The following NCAM2 variants were observed in gnomAD, a reference collection of about 807,000 sequenced individuals.
The protein encoded by NCAM2 is N-CAM-2.
Under a neutral mutation model 98.1 loss-of-function variants are expected in NCAM2, and 30 were observed. That is an observed-to-expected ratio of 0.31 (90% CI 0.23 to 0.41). The LOEUF is 0.41. NCAM2 is among the 10% of genes least tolerant of loss of function. The pLI, the probability that NCAM2 is intolerant of heterozygous loss-of-function variation, is 1.00. For missense variants in NCAM2, 867 were observed against 1,005.8 expected, an observed-to-expected ratio of 0.86 and a Z score of 1.87; for synonymous variants, 368 against 342.4, an observed-to-expected ratio of 1.07 and a Z score of -0.83.
chr21:21,103,166 G>T (rs564826808), intron 1 of NCAM2, among the ~76,000 whole-genome samples: 53 of 152,108 alleles, frequency 3.5e-4, no homozygotes, highest in African/African-American at 1.2e-3. Context: ...TATTGGGGGT[G>T]AAATCTCCCA....
At chr21:21,044,992 A>G (rs1249491049) in intron 1 of NCAM2, among the ~76,000 whole-genome samples, 2 of 152,138 alleles carry the variant, frequency 1.3e-5, no homozygotes, top group Non-Finnish European at 2.9e-5. Flanking sequence ...ATGAAAATAC[A>G]TATATATCTA....
intron 15 of NCAM2, among the ~76,000 whole-genome samples, chr21:21,499,312 G>T (rs950949747): frequency 6.6e-6 from 1 of 152,114 alleles, no homozygotes; most frequent in Non-Finnish European, 1.5e-5. Context: ...CGTGATCTCG[G>T]CTCACTGCAA....
intron 1 of NCAM2, among the ~76,000 whole-genome samples, chr21:21,043,925 T>G (rs2064958765): frequency 6.7e-6 from 1 of 150,082 alleles, no homozygotes; most frequent in East Asian, 2.0e-4. Context: ...AATTTAAAAA[T>G]GTAGATTATG....
At chr21:21,201,326 C>T (rs1051940373) in intron 1 of NCAM2, among the ~76,000 whole-genome samples, 3 of 152,186 alleles carry the variant, frequency 2.0e-5, no homozygotes, top group African/African-American at 7.2e-5. Context: ...AGTTATGCTG[C>T]TCCCACTGCC....
At chr21:21,201,392 G>A (rs567825133) in intron 1 of NCAM2, among the ~76,000 whole-genome samples, 3 of 152,276 alleles carry the variant, frequency 2.0e-5, no homozygotes, top group East Asian at 3.9e-4. Flanking sequence ...ACCAGTAGGC[G>A]AATGCCAGAA....
At chr21:21,377,044 A>C (rs2076050005) in intron 9 of NCAM2, among the ~76,000 whole-genome samples, 1 of 151,768 alleles carries the variant, frequency 6.6e-6, no homozygotes, top group Non-Finnish European at 1.5e-5. Flanking sequence ...TTTTCTGCAA[A>C]TATTGTTGAA....
intron 1 of NCAM2, among the ~76,000 whole-genome samples, chr21:21,266,093 G>A (rs957673734): frequency 1.3e-5 from 2 of 151,970 alleles, no homozygotes; most frequent in South Asian, 2.1e-4. Context: ...ATATTCAAAT[G>A]TTTTTGCTTC....
intron 1 of NCAM2, among the ~76,000 whole-genome samples, chr21:21,120,242 A>G (rs1260280750): frequency 6.6e-6 from 1 of 152,236 alleles, no homozygotes; most frequent in Non-Finnish European, 1.5e-5. Context: ...AATGATTTGC[A>G]AGGATAATGA....
intron 5 of NCAM2, among the ~76,000 whole-genome samples, chr21:21,300,863 A>G (rs2073686534): frequency 6.6e-6 from 1 of 152,000 alleles, no homozygotes; most frequent in South Asian, 2.1e-4. Flanking sequence ...TCCTCAAACT[A>G]TCAATCTAGT....
At position 21,468,766 on chromosome 21, in the gene NCAM2, A is replaced by C. The variant is rs909281844; in HGVS notation, c.1879A>C (p.Ile627Leu). ...DDGGAPILEY[I>L]VKYRSKDKED... ...TGGAGGGGCCCCTATTTTGGAATAC[A>C]TTGTGAAATATAGAAGTGTAAGTAC... is the stretch of plus-strand genomic sequence containing the variant. The change falls in exon 14 of 18, where the codon ATT becomes CTT. Residue 627 changes from isoleucine (I) to leucine (L), a missense_variant. By Grantham distance (5) the Ile-to-Leu change is conservative (BLOSUM62 2). Coordinates refer to ENST00000400546, the MANE Select transcript of NCAM2 (RefSeq NM_004540.5). The C allele has an allele frequency of 1.2e-6, 2 of 1,611,100 alleles. No homozygotes were observed. The highest frequency in any genetic ancestry group is 1.7e-5 in the Admixed American group (1 of 59,704).
intron 12 of NCAM2, among the ~76,000 whole-genome samples, chr21:21,433,781 A>AAAATG (rs2077401484): frequency 6.7e-6 from 1 of 149,258 alleles, no homozygotes; most frequent in African/African-American, 2.5e-5. Flanking sequence ...AAAATAAAAT[A>AAAATG]AAATAAAATA....
Position 21,280,615 on chromosome 21 carries a change from G to A in NCAM2, c.93G>A (p.Glu31=), listed in dbSNP as rs1311845107. The A allele has an allele frequency of 5.0e-6, 8 of 1,601,118 alleles. No homozygotes were observed. In the African/African-American group the frequency reaches 9.4e-5, roughly 19 times the overall value. The part of the protein sequence containing the change: ...LQVTISLSKV[E]LSVGESKFFT... ...TGACAATTTCACTTAGCAAAGTAGA[G>A]CTTAGTGTTGGAGAATCTAAATTCT... The change falls in exon 2 of 18, where the codon GAG becomes GAA. Residue 31 remains glutamate (E), a synonymous_variant. Transcript: ENST00000400546.
At chr21:21,085,480 C>T (rs1285632749) in intron 1 of NCAM2, among the ~76,000 whole-genome samples, 1 of 152,068 alleles carries the variant, frequency 6.6e-6, no homozygotes, top group Non-Finnish European at 1.5e-5. Flanking sequence ...CTGTCTCATG[C>T]TCGTTTTGCT....
intron 1 of NCAM2, among the ~76,000 whole-genome samples, chr21:21,180,193 G>C (rs960568745): frequency 2.6e-5 from 4 of 152,064 alleles, no homozygotes; most frequent in African/African-American, 9.7e-5. Context: ...TTAAGACCCA[G>C]ACCTCAAAGT....
At chr21:21,300,422 A>G (rs970587559) in intron 5 of NCAM2, among the ~76,000 whole-genome samples, 3 of 152,036 alleles carry the variant, frequency 2.0e-5, no homozygotes, top group Non-Finnish European at 4.4e-5. Context: ...TTGCCAGGAA[A>G]CTTTCTGGTC....
At chr21:21,253,617 G>A (rs989349303) in intron 1 of NCAM2, among the ~76,000 whole-genome samples, 5 of 152,250 alleles carry the variant, frequency 3.3e-5, no homozygotes, top group Non-Finnish European at 5.9e-5. Context: ...CTTCAAAATA[G>A]TAAGAAATAA....
At chr21:21,255,834 G>C (rs1477256931) in intron 1 of NCAM2, among the ~76,000 whole-genome samples, 1 of 152,148 alleles carries the variant, frequency 6.6e-6, no homozygotes, top group African/African-American at 2.4e-5. Flanking sequence ...GAGCACCAGA[G>C]TCCCTTGGAA....
chr21:21,436,664 G>A (rs1978370768), intron 12 of NCAM2, among the ~76,000 whole-genome samples: 1 of 152,022 alleles, frequency 6.6e-6, no homozygotes, highest in African/African-American at 2.4e-5. Context: ...GTGGAGGTAG[G>A]AGAATGGAAA....
intron 1 of NCAM2, among the ~76,000 whole-genome samples, chr21:21,181,485 C>T (rs1034510276): frequency 6.6e-6 from 1 of 152,110 alleles, no homozygotes; most frequent in African/African-American, 2.4e-5. Context: ...TTGTTGCATG[C>T]TTGTCGTGTG....
Sources: allele counts gnomAD v4.1 joint callset (sites outside exome capture counted in the v4.1 genomes callset), GRCh38; gene constraint gnomAD v4.1.1; transcripts MANE v1.5; gene names NCBI Gene and HGNC (gene_info 2026-07-23, HGNC 2026-07-21).